The following RABGAP1L variants were observed in gnomAD, a reference collection of about 807,000 sequenced individuals.
RABGAP1L encodes rab GTPase-activating protein 1-like.
RABGAP1L carries 63 observed loss-of-function variants against 137.7 expected under a neutral mutation model. That is an observed-to-expected ratio of 0.46 (90% CI 0.37 to 0.56). The LOEUF (loss-of-function observed/expected upper bound fraction) is 0.56. Ranked by LOEUF, RABGAP1L falls within the 20% of genes least tolerant of loss-of-function variation. The pLI is 0.00. For missense variants in RABGAP1L, 1,095 were observed against 1,244.0 expected, an observed-to-expected ratio of 0.88 and a Z score of 1.80; for synonymous variants, 431 against 433.7, an observed-to-expected ratio of 0.99 and a Z score of 0.08.
chr1:174,918,546 G>A (rs773451353), intron 19 of RABGAP1L, among the ~76,000 whole-genome samples: 29 of 152,160 alleles, frequency 1.9e-4, no homozygotes, highest in Non-Finnish European at 3.1e-4. Context: ...ATTTTGGGTG[G>A]CCAAAGTAGG....
intron 12 of RABGAP1L, among the ~76,000 whole-genome samples, chr1:174,384,811 T>G (rs76176161): frequency 0.02 from 3,071 of 152,320 alleles, 110 homozygotes; most frequent in African/African-American, 0.071. Flanking sequence ...GACTGAATTT[T>G]TTGATGAAAT....
At chr1:174,959,523 A>G (rs550169307) in intron 20 of RABGAP1L, among the ~76,000 whole-genome samples, 4 of 152,336 alleles carry the variant, frequency 2.6e-5, no homozygotes, top group East Asian at 1.9e-4. Context: ...TACTTATAAC[A>G]TGTAAGATTA....
intron 1 of RABGAP1L, among the ~76,000 whole-genome samples, chr1:174,201,411 T>G (rs1668088515): frequency 6.6e-6 from 1 of 152,098 alleles, no homozygotes; most frequent in South Asian, 2.1e-4. Context: ...TTGGTTAGTC[T>G]AGTCTCGAAC....
In RABGAP1L at chr1:174,580,157, CTTG is replaced by C. The variant is rs368990806; in HGVS notation, c.1711-57213_1711-57211del. Among the ~76,000 whole-genome samples the C allele has an allele frequency of 3.8e-3, 572 of 152,266 alleles. 5 individuals are homozygous for C. The highest frequency in any genetic ancestry group is 0.012 in the African/African-American group (491 of 41,554). On this transcript the variant is annotated intron_variant, in intron 13 of 25. Coordinates refer to ENST00000681986, the MANE Select transcript of RABGAP1L (RefSeq NM_001366446.1). ...AACTGGACTTCCTTAAAACTTAAGA[CTTG>C]TTGTATTAAACGACATCATCAGGAA...
At chr1:174,460,044 G>A (rs542974242) in intron 13 of RABGAP1L, among the ~76,000 whole-genome samples, 3 of 151,946 alleles carry the variant, frequency 2.0e-5, no homozygotes, top group Non-Finnish European at 2.9e-5. Flanking sequence ...AGACCTCAGG[G>A]ATTTCTTATA....
At chr1:174,491,693 G>A (rs1004019721) in intron 13 of RABGAP1L, among the ~76,000 whole-genome samples, 3 of 152,106 alleles carry the variant, frequency 2.0e-5, no homozygotes, top group Non-Finnish European at 1.5e-5. Flanking sequence ...TGCCTTTCAA[G>A]TTTATTTAGG....
At chr1:174,682,560 A>G (rs1425655352) in intron 14 of RABGAP1L, among the ~76,000 whole-genome samples, 2 of 152,100 alleles carry the variant, frequency 1.3e-5, no homozygotes, top group Non-Finnish European at 2.9e-5. Context: ...CTTTTACAGA[A>G]AAAGCTTTCT....
intron 12 of RABGAP1L, among the ~76,000 whole-genome samples, chr1:174,386,531 G>A (rs1055987201): frequency 5.9e-5 from 9 of 151,430 alleles, no homozygotes; most frequent in Non-Finnish European, 1.0e-4. Flanking sequence ...TTTTGAGATG[G>A]AGTTTCACTC....
chr1:174,544,303 C>A (rs1263152725), intron 13 of RABGAP1L, among the ~76,000 whole-genome samples: 1 of 152,028 alleles, frequency 6.6e-6, no homozygotes, highest in Non-Finnish European at 1.5e-5. Context: ...TCTTTTTACT[C>A]TTTTTTTCTC....
At chr1:174,622,037 G>A (rs561417625) in intron 13 of RABGAP1L, among the ~76,000 whole-genome samples, 8 of 152,124 alleles carry the variant, frequency 5.3e-5, no homozygotes, top group Non-Finnish European at 1.0e-4. Context: ...TCAAAGAGTG[G>A]GCGAAGGATA....
chr1:174,445,098 A>G (rs182296508), intron 13 of RABGAP1L, among the ~76,000 whole-genome samples: 2 of 152,102 alleles, frequency 1.3e-5, no homozygotes, highest in Non-Finnish European at 2.9e-5. Flanking sequence ...ACACAGCACA[A>G]TGCTTGGCAT....
chr1:174,358,732 A>G (rs1683871635), intron 11 of RABGAP1L, among the ~76,000 whole-genome samples: 1 of 152,198 alleles, frequency 6.6e-6, no homozygotes. Context: ...ACAAATGCTT[A>G]TATACTAAAG....
At chr1:174,180,392 A>T (rs79042941) in intron 1 of RABGAP1L, among the ~76,000 whole-genome samples, 1 of 152,348 alleles carries the variant, frequency 6.6e-6, no homozygotes, top group Non-Finnish European at 1.5e-5. Context: ...TGATGCATGT[A>T]ATCATGACAA....
intron 19 of RABGAP1L, among the ~76,000 whole-genome samples, chr1:174,864,203 A>C (rs1200730122): frequency 6.6e-6 from 1 of 152,092 alleles, no homozygotes; most frequent in African/African-American, 2.4e-5. Flanking sequence ...CTAAGGTTTG[A>C]GGGTATGAGT....
chr1:174,676,553 A>G (rs988227298), intron 14 of RABGAP1L, among the ~76,000 whole-genome samples: 1 of 152,226 alleles, frequency 6.6e-6, no homozygotes, highest in African/African-American at 2.4e-5. Context: ...TTCAACTTCT[A>G]AGTGAAAAGA....
chr1:174,646,857 T>C (rs1675007977), intron 14 of RABGAP1L, among the ~76,000 whole-genome samples: 1 of 152,212 alleles, frequency 6.6e-6, no homozygotes, highest in South Asian at 2.1e-4. Context: ...GGAATGTTTT[T>C]CCATTTGTTT....
intron 20 of RABGAP1L, among the ~76,000 whole-genome samples, chr1:174,962,202 C>CA (rs1553295774): frequency 6.4e-5 from 7 of 109,396 alleles, no homozygotes; most frequent in East Asian, 3.6e-4. Flanking sequence ...ATACACCCCC[C>CA]CCCCACACAC....
chr1:174,185,096 A>G (rs998281291), intron 1 of RABGAP1L, among the ~76,000 whole-genome samples: 1 of 152,222 alleles, frequency 6.6e-6, no homozygotes, highest in Non-Finnish European at 1.5e-5. Context: ...ATAGATTTCA[A>G]TGAAGTGTTT....
rs116030233 is a variant in RABGAP1L, at chr1:174,314,054, G to A, written c.1465+8927G>A. Among the ~76,000 whole-genome samples the A allele has an allele frequency of 4.9e-3, 746 of 152,072 alleles. 12 individuals carry two copies. Among genetic ancestry groups the A allele is most frequent in the African/African-American group, 0.017 (691 of 41,502 alleles). On this transcript the variant is annotated intron_variant, in intron 11 of 25. Coordinates refer to ENST00000681986, the MANE Select transcript of RABGAP1L (RefSeq NM_001366446.1). ...TCTGGACATTTGGAAGAGTTCCCTC[G>A]TCCTCTGTTTTGCAGTAGTTCGATT...
Sources: allele counts gnomAD v4.1 joint callset (sites outside exome capture counted in the v4.1 genomes callset), GRCh38; gene constraint gnomAD v4.1.1; transcripts MANE v1.5; gene names NCBI Gene and HGNC (gene_info 2026-07-23, HGNC 2026-07-21).